The following IL16 variants were observed in gnomAD, a reference collection of about 807,000 sequenced individuals.
IL16 encodes the protein interleukin 16.
Under a neutral mutation model 110.1 loss-of-function variants are expected in IL16, and 67 were observed. The ratio of observed to expected loss-of-function variants is 0.61; its 90% CI spans 0.50 to 0.75. The LOEUF (loss-of-function observed/expected upper bound fraction) is 0.75, where lower values mean the gene tolerates loss of function less well. IL16 is among the 30% of genes least tolerant of loss of function. The pLI is 0.00. For synonymous variants in IL16, 689 were observed against 662.9 expected (o/e 1.04, Z -0.61); for missense variants, 1,545 against 1,655.0 (o/e 0.93, Z 1.15).
At chr15:81,299,180 C>T (rs1900134842) in intron 13 of IL16, 200 bp from the exon 14 acceptor site, 9 of 807,372 alleles carry the variant, frequency 1.1e-5, no homozygotes, top group Admixed American at 1.1e-4. Flanking sequence ...AGATTAACTC[C>T]TACTTCTGGT....
intron 2 of IL16, among the ~76,000 whole-genome samples, chr15:81,247,762 AC>A (rs1897618489): frequency 6.6e-6 from 1 of 151,406 alleles, no homozygotes; most frequent in African/African-American, 2.4e-5. Flanking sequence ...ATCACACCCC[AC>A]CCCTCTTCCC....
intron 2 of IL16, among the ~76,000 whole-genome samples, chr15:81,235,957 C>T (rs1016670807): frequency 1.3e-5 from 2 of 152,190 alleles, no homozygotes; most frequent in Admixed American, 6.5e-5. Context: ...AGGACAGCAG[C>T]AGATGAGACC....
Position 81,299,433 on chromosome 15 carries a change from G to T in IL16, c.2107G>T (p.Asp703Tyr), listed in dbSNP as rs778294370. The change falls in exon 14 of 19, where the codon GAC (aspartate) becomes TAC (tyrosine). Residue 703 changes from aspartate to tyrosine, a missense_variant. Asp to Tyr is a radical substitution (Grantham distance 160). This residue lies in a region of IL16 where 1,185 missense variants were observed against 1,238.8 expected (regional missense o/e 0.96). Coordinates refer to ENST00000683961, the MANE Select transcript of IL16 (RefSeq NM_172217.5). ...ACTGCTTAAGAGGCAGGCTCGGATG[G>T]ACTATAGCTTTGATACCACAGCCGA... ...HPLLKRQARMDYSFDTTAEDP... is the reference protein window; with the variant it reads ...HPLLKRQARMYYSFDTTAEDP... 5 of 1,614,126 alleles carry T rather than the reference G, an allele frequency of 3.1e-6. No individual in the cohort carries two copies. The highest frequency in any genetic ancestry group is 4.2e-6 in the Non-Finnish European group (5 of 1,180,034).
chr15:81,201,302 C>A (rs542816924), intron 1 of IL16, among the ~76,000 whole-genome samples: 10 of 151,464 alleles, frequency 6.6e-5, no homozygotes, highest in African/African-American at 2.4e-4. Context: ...CCCCCATCCA[C>A]ACACACACAC....
At chr15:81,190,598 G>A (rs1477476080) in intron 1 of IL16, among the ~76,000 whole-genome samples, 1 of 152,188 alleles carries the variant, frequency 6.6e-6, no homozygotes, top group African/African-American at 2.4e-5. Flanking sequence ...TTGTGGAGCT[G>A]GATACTGTGT....
chr15:81,299,670 G>A lies in IL16; in HGVS notation c.2344G>A (p.Gly782Ser). 6.2e-7 allele frequency: 1 copy of A among 1,614,226 alleles called. No homozygotes were observed. The highest frequency in any genetic ancestry group is 2.2e-5 in the East Asian group (1 of 44,880). ...AGCAGACAGCAGCACTGTGAAGAAA[G>A]GTCCTCCTGTGGCTCCCAAGCCAGC... ...KSADSSTVKK[G>S]PPVAPKPAWF... The change falls in exon 14 of 19, where the codon GGT becomes AGT. Residue 782 changes from glycine (G) to serine (S), a missense_variant. Coordinates refer to ENST00000683961, the MANE Select transcript of IL16 (RefSeq NM_172217.5).
At chr15:81,238,923 T>G (rs1032228720) in intron 2 of IL16, among the ~76,000 whole-genome samples, 6 of 151,950 alleles carry the variant, frequency 3.9e-5, no homozygotes, top group African/African-American at 1.4e-4. Context: ...ATGAATTTCT[T>G]TATGCTTAAA....
intron 2 of IL16, among the ~76,000 whole-genome samples, chr15:81,253,070 C>T (rs767223409): frequency 9.9e-5 from 15 of 152,152 alleles, no homozygotes; most frequent in Non-Finnish European, 2.2e-4. Context: ...AAACCCCCTG[C>T]TCCATTTTAC....
chr15:81,236,169 G>A (rs1377050087), intron 2 of IL16, among the ~76,000 whole-genome samples: 1 of 152,242 alleles, frequency 6.6e-6, no homozygotes, highest in Non-Finnish European at 1.5e-5. Context: ...TCTGGCATGT[G>A]CTGTGGTTGG....
intron 16 of IL16, among the ~76,000 whole-genome samples, chr15:81,304,557 C>T (rs971951992): frequency 3.3e-5 from 5 of 152,146 alleles, no homozygotes; most frequent in African/African-American, 2.4e-5. Flanking sequence ...AGGGAACTAA[C>T]GTAGAGCACC....
At chr15:81,193,279 A>G (rs767726131), upstream of IL16, among the ~76,000 whole-genome samples, 5 of 152,190 alleles carry the variant, frequency 3.3e-5, no homozygotes, top group Non-Finnish European at 5.9e-5. Flanking sequence ...GGGAATCAAG[A>G]GTACTGTTGG....
chr15:81,246,880 A>G (rs944893369), intron 2 of IL16, among the ~76,000 whole-genome samples: 3 of 152,042 alleles, frequency 2.0e-5, no homozygotes, highest in African/African-American at 7.2e-5. Flanking sequence ...CAGGCCCCTA[A>G]AAGTTTCCTT....
In IL16 at chr15:81,209,844, TGC is replaced by T. The variant is rs553615497; in HGVS notation, c.-102+12693_-102+12694del. ...AGATGAACTCTGCAGGCTCCAGCAA[TGC>T]CATGGTTACACTGATTTCAAAACAA... is the stretch of plus-strand genomic sequence containing the variant. On this transcript the variant is annotated intron_variant, in intron 1 of 18. Transcript: ENST00000683961. Among the ~76,000 whole-genome samples the T allele has an allele frequency of 3.3e-5, 5 of 152,254 alleles. No homozygotes were observed. The South Asian group carries it at 1.0e-3, about 32-fold the overall frequency.
intron 1 of IL16, among the ~76,000 whole-genome samples, chr15:81,224,173 A>AAATTC (rs1312508761): frequency 3.3e-5 from 5 of 152,248 alleles, no homozygotes; most frequent in African/African-American, 1.2e-4. Flanking sequence ...TTTTAGGCAG[A>AAATTC]AATTCTCCTT....
rs1041074090 is a variant in IL16, at chr15:81,311,924, T to G, written c.*3126T>G. 1.3e-5 allele frequency: 2 copies of G among 152,212 alleles called. No homozygotes were observed. The highest frequency in any genetic ancestry group is 4.8e-5 in the African/African-American group (2 of 41,442). 9.4% of individuals were successfully genotyped at this position (152,212 alleles called of 1,614,324 possible). A position where few individuals can be genotyped will look rare whatever the true frequency, so the allele number is the denominator to read the frequency against. On this transcript the variant is annotated 3_prime_UTR_variant, in exon 19 of 19. Coordinates refer to ENST00000683961, the MANE Select transcript of IL16 (RefSeq NM_172217.5). ...CACTGAGCTGTCATGTTTTAAAGCT[T>G]GCTCACATCTTGGCACATTTAAGAG...
chr15:81,223,468 G>T (rs926551773), intron 1 of IL16, among the ~76,000 whole-genome samples: 3 of 152,146 alleles, frequency 2.0e-5, no homozygotes, highest in Non-Finnish European at 4.4e-5. Context: ...TCAATGAGAC[G>T]GTAGAGCCAG....
Position 81,265,703 on chromosome 15 carries a change from A to G in IL16, c.466A>G (p.Lys156Glu), listed in dbSNP as rs375273342. 61 of 1,613,950 alleles carry G rather than the reference A, an allele frequency of 3.8e-5. No homozygotes were observed. In the African/African-American group the frequency reaches 7.3e-4, roughly 19 times the overall value. The change falls in exon 4 of 19, where the codon AAG (lysine) becomes GAG (glutamate). Residue 156 changes from lysine to glutamate, a missense_variant. By Grantham distance (56) the Lys-to-Glu change is moderately conservative (BLOSUM62 1). Around this residue, in one of 3 missense-constraint regions of IL16, gnomAD observed 1,185 missense variants for 1,238.8 expected, o/e 0.96. Coordinates refer to ENST00000683961, the MANE Select transcript of IL16 (RefSeq NM_172217.5). ...AAGAGAAATTGATTTTCCAATGACC[A>G]AGAAATCTGCAGCGCCCACGGACAG... ...CTREIDFPMT[K>E]KSAAPTDRQP...
chr15:81,301,008 A>G (rs1343787096), intron 14 of IL16, among the ~76,000 whole-genome samples: 1 of 152,206 alleles, frequency 6.6e-6, no homozygotes, highest in African/African-American at 2.4e-5. Context: ...GCTCACCCTC[A>G]GATTCCTTGT....
At position 81,313,260 on chromosome 15, in the gene IL16, T is replaced by C; in HGVS notation, c.*4462T>C. The stretch of plus-strand genomic sequence containing the variant: ...TGCCAAGAAGTAACGATAGCATTAC[T>C]CATGGAATTGCTTCACTGCTTTCTG... On this transcript the variant is annotated 3_prime_UTR_variant, in exon 19 of 19. Coordinates refer to ENST00000683961, the MANE Select transcript of IL16 (RefSeq NM_172217.5). The C allele has an allele frequency of 6.4e-7, 1 of 1,566,666 alleles. No homozygotes were observed. Among genetic ancestry groups the C allele is most frequent in the Non-Finnish European group, 8.7e-7 (1 of 1,155,826 alleles).
Sources: gnomAD v4.1 joint callset for allele counts (sites outside exome capture counted in the v4.1 genomes callset) on GRCh38, gnomAD v4.1.1 for gene constraint, gnomAD v4.1.1 regional missense constraint, MANE v1.5 for transcripts, NCBI Gene and HGNC (gene_info 2026-07-23, HGNC 2026-07-21) for gene names.